Variants in FYN observed in about 807,000 individuals in gnomAD.
The protein encoded by FYN is FYN proto-oncogene, Src family tyrosine kinase.
Under a neutral mutation model 70.2 loss-of-function variants are expected in FYN, and 10 were observed. The observed-to-expected ratio is 0.14, with a 90% CI of 0.09 to 0.24. The LOEUF is 0.24. FYN is among the 10% of genes least tolerant of loss of function. The pLI is 1.00. For synonymous variants in FYN, 236 were observed against 248.6 expected, an observed-to-expected ratio of 0.95 and a Z score of 0.48; for missense variants, 319 against 673.1, an observed-to-expected ratio of 0.47 and a Z score of 5.82.
At chr6:111,855,144 T>C (rs80291287) in intron 1 of FYN, among the ~76,000 whole-genome samples, 46 of 152,344 alleles carry the variant, frequency 3.0e-4, no homozygotes, top group African/African-American at 1.1e-3. Context: ...TCCAGTTTTA[T>C]GTTAGTATTA....
At chr6:111,667,663 A>C (rs2128402054) in intron 13 of FYN, among the ~76,000 whole-genome samples, 1 of 152,332 alleles carries the variant, frequency 6.6e-6, no homozygotes, top group South Asian at 2.1e-4. Flanking sequence ...AAGTGACTTG[A>C]CTTCCCTTGA....
At chr6:111,825,384 GT>G in intron 2 of FYN, among the ~76,000 whole-genome samples, 1 of 152,312 alleles carries the variant, frequency 6.6e-6, no homozygotes, top group Non-Finnish European at 1.5e-5. Flanking sequence ...ACAGAGCACA[GT>G]TTTGATAACT....
chr6:111,719,953 G>T lies in FYN; in HGVS notation c.99C>A (p.Asp33Glu). The stretch of plus-strand genomic sequence containing the variant: ...AGCTGGGGTAGTGCTGAGGGGTGGG[G>T]TCTGTGCCATAGCGGTACCCAGAGC... ...NQSSGYRYGT[D>E]PTPQHYPSFG... The change falls in exon 4 of 14, where the codon GAC becomes GAA. Residue 33 changes from aspartate (D) to glutamate (E), a missense_variant. Physicochemically the swap from Asp to Glu is conservative, Grantham distance 45. Around this residue, in one of 4 missense-constraint regions of FYN, gnomAD observed 128 missense variants for 183.9 expected, o/e 0.70. Coordinates refer to ENST00000354650, the MANE Select transcript of FYN (RefSeq NM_002037.5). 2 of 1,614,202 alleles carry T rather than the reference G, an allele frequency of 1.2e-6. No individual in the cohort carries two copies. Among genetic ancestry groups the T allele is most frequent in the Non-Finnish European group, 1.7e-6 (2 of 1,180,030 alleles).
intron 3 of FYN, among the ~76,000 whole-genome samples, chr6:111,770,161 C>T (rs980556195): frequency 2.3e-4 from 35 of 152,158 alleles, no homozygotes; most frequent in Admixed American, 3.9e-4. Context: ...AATTGAGATA[C>T]GCTGTAAATG....
At chr6:111,720,409 C>A (rs1456731869) in intron 3 of FYN, among the ~76,000 whole-genome samples, 6 of 152,012 alleles carry the variant, frequency 3.9e-5, no homozygotes, top group Non-Finnish European at 8.8e-5. Context: ...TGCCTTTAGC[C>A]ATCTAAAAAA....
chr6:111,725,726 A>G (rs1353705095), intron 3 of FYN, among the ~76,000 whole-genome samples: 1 of 152,198 alleles, frequency 6.6e-6, no homozygotes, highest in Non-Finnish European at 1.5e-5. Context: ...TTTGCTGCCA[A>G]CTGGAGGGAG....
chr6:111,667,121 C>A (rs906584089), intron 13 of FYN, among the ~76,000 whole-genome samples: 36 of 152,306 alleles, frequency 2.4e-4, no homozygotes, highest in African/African-American at 8.2e-4. Flanking sequence ...GTAGGGTTGC[C>A]AACAGTGTCT....
At chr6:111,864,414 A>C (rs1020318336) in intron 1 of FYN, among the ~76,000 whole-genome samples, 1 of 152,136 alleles carries the variant, frequency 6.6e-6, no homozygotes, top group Non-Finnish European at 1.5e-5. Flanking sequence ...TACCTCCTAG[A>C]ATTGTGCTGG....
chr6:111,779,974 C>G (rs1771108912), intron 3 of FYN, among the ~76,000 whole-genome samples: 1 of 152,116 alleles, frequency 6.6e-6, no homozygotes, highest in Admixed American at 6.6e-5. Context: ...ATCTAACAAC[C>G]AGTAGGTATA....
chr6:111,667,086 A>G (rs1217258323), intron 13 of FYN, among the ~76,000 whole-genome samples: 1 of 151,892 alleles, frequency 6.6e-6, no homozygotes, highest in African/African-American at 2.4e-5. Context: ...CAAGTTTCCA[A>G]CTCTCACTTT....
rs144506467 is a variant in FYN, at chr6:111,672,472, T to C, written c.1405+2027A>G. The stretch of plus-strand genomic sequence containing the variant: ...CCTCTCAGGACCTGCTGTGTGTGGA[T>C]ACCTGGATCAGGTGTCCCTGACCCC... On this transcript the variant is annotated intron_variant, in intron 13 of 13. Transcript: ENST00000354650. Among the ~76,000 whole-genome samples the C allele has an allele frequency of 4.3e-4, 65 of 152,342 alleles. No homozygotes were observed. In the East Asian group the frequency reaches 5.6e-3, roughly 13 times the overall value.
Position 111,719,936 on chromosome 6 carries a change from T to C in FYN, c.116A>G (p.Tyr39Cys). Reference sequence around the variant, plus strand: ...GATGGAGGTCACACCGAAGCTGGGGTAGTGCTGAGGGGTGGGGTCTGTGCC... The same window carrying C: ...GATGGAGGTCACACCGAAGCTGGGGCAGTGCTGAGGGGTGGGGTCTGTGCC... ...RYGTDPTPQHYPSFGVTSIPN... is the reference protein window; with the variant it reads ...RYGTDPTPQHCPSFGVTSIPN... Residue 39 changes from tyrosine (Y) to cysteine (C), a missense_variant, in exon 4 of 14, where the codon TAC (tyrosine) becomes TGC (cysteine). Tyr to Cys is a radical substitution (Grantham distance 194, BLOSUM62 -2). Transcript: ENST00000354650. 6.2e-7 allele frequency: 1 copy of C among 1,613,982 alleles called. No individual in the cohort carries two copies. Among genetic ancestry groups the C allele is most frequent in the Non-Finnish European group, 8.5e-7 (1 of 1,180,008 alleles).
At chr6:111,664,684 T>C (rs1797914897) in intron 13 of FYN, among the ~76,000 whole-genome samples, 1 of 152,076 alleles carries the variant, frequency 6.6e-6, no homozygotes, top group Non-Finnish European at 1.5e-5. Flanking sequence ...CAGACCCACA[T>C]GGTCAGGCTC....
chr6:111,807,077 G>A (rs1583460704), intron 2 of FYN, among the ~76,000 whole-genome samples: 1 of 152,336 alleles, frequency 6.6e-6, no homozygotes, highest in East Asian at 1.9e-4. Flanking sequence ...TGGCTGCGCT[G>A]TGTGTGACAG....
intron 1 of FYN, among the ~76,000 whole-genome samples, chr6:111,865,383 C>G (rs941865982): frequency 3.9e-5 from 6 of 152,216 alleles, no homozygotes; most frequent in Non-Finnish European, 7.3e-5. Flanking sequence ...CCAAATATTA[C>G]AACAACTCGG....
intron 3 of FYN, chr6:111,754,725 A>G (rs6910116): frequency 0.58 from 87,514 of 151,976 alleles, 26,744 homozygotes; most frequent in East Asian, 0.86. Context: ...TTTGGCCTTA[A>G]TATACAGTAG....
chr6:111,868,614 C>T (rs946747642), intron 1 of FYN, among the ~76,000 whole-genome samples: 1 of 152,132 alleles, frequency 6.6e-6, no homozygotes, highest in African/African-American at 2.4e-5. Flanking sequence ...TTTCAGTCAC[C>T]CTCCCTTATG....
intron 13 of FYN, among the ~76,000 whole-genome samples, chr6:111,665,503 C>T (rs1797953717): frequency 6.6e-6 from 1 of 152,020 alleles, no homozygotes; most frequent in African/African-American, 2.4e-5. Flanking sequence ...TTACCTAATA[C>T]CTGAGAGGTG....
At position 111,741,958 on chromosome 6, in the gene FYN, C is replaced by T. The variant is rs558014088; in HGVS notation, c.-11-21896G>A. On this transcript the variant is annotated intron_variant, in intron 3 of 13. Transcript: ENST00000354650. ...CTAGGCTATGCCATATTGCCTCTTA[C>T]GGCTCCCTTAGAAATGTCTTGCTCT... Among the ~76,000 whole-genome samples the T allele has an allele frequency of 7.9e-5, 12 of 152,310 alleles. No individual in the cohort carries two copies. In the South Asian group the frequency reaches 1.0e-3, roughly 13 times the overall value.
Sources: gnomAD v4.1 joint callset for allele counts (sites outside exome capture counted in the v4.1 genomes callset) on GRCh38, gnomAD v4.1.1 for gene constraint, gnomAD v4.1.1 regional missense constraint, MANE v1.5 for transcripts, NCBI Gene and HGNC (gene_info 2026-07-23, HGNC 2026-07-21) for gene names.